BICDL1: variants seen among roughly 807,000 people sequenced by gnomAD.
The protein encoded by BICDL1 is BICD family like cargo adaptor 1.
BICDL1 carries 20 observed loss-of-function variants against 76.8 expected under a neutral mutation model. The observed-to-expected ratio is 0.26, with a 90% CI of 0.18 to 0.38. The LOEUF (loss-of-function observed/expected upper bound fraction) is 0.38. Ranked by LOEUF, BICDL1 falls within the 10% of genes least tolerant of loss-of-function variation. The pLI is 1.00. For missense variants in BICDL1, 700 were observed against 798.6 expected, an observed-to-expected ratio of 0.88 and a Z score of 1.49; for synonymous variants, 383 against 337.1, an observed-to-expected ratio of 1.14 and a Z score of -1.49.
At chr12:120,076,922 G>T (rs543264886) in intron 7 of BICDL1, among the ~76,000 whole-genome samples, 14 of 152,344 alleles carry the variant, frequency 9.2e-5, no homozygotes, top group African/African-American at 3.4e-4. Context: ...GCTGCACTAG[G>T]CCCTGAGAGG....
chr12:120,045,239 G>C (rs1037740774), intron 2 of BICDL1, among the ~76,000 whole-genome samples: 1 of 152,186 alleles, frequency 6.6e-6, no homozygotes, highest in African/African-American at 2.4e-5. Context: ...ACACCAGTTA[G>C]AATGGCAATC....
At chr12:120,003,618 C>G (rs543277894) in intron 2 of BICDL1, among the ~76,000 whole-genome samples, 30 of 152,258 alleles carry the variant, frequency 2.0e-4, no homozygotes, top group Admixed American at 1.8e-3. Flanking sequence ...GCCTAGACAC[C>G]TAATATTATT....
intron 1 of BICDL1, among the ~76,000 whole-genome samples, chr12:119,996,103 C>G (rs1256783774): frequency 2.0e-5 from 3 of 152,140 alleles, no homozygotes; most frequent in South Asian, 2.1e-4. Flanking sequence ...CCACATTGCC[C>G]CAAACAGACT....
intron 2 of BICDL1, among the ~76,000 whole-genome samples, chr12:120,052,606 A>G (rs1952886574): frequency 6.6e-6 from 1 of 152,162 alleles, no homozygotes; most frequent in South Asian, 2.1e-4. Flanking sequence ...GCTCCCCACT[A>G]TAAATGATTT....
At chr12:119,995,782 C>T (rs190030758) in intron 1 of BICDL1, among the ~76,000 whole-genome samples, 7,274 of 152,070 alleles carry the variant, frequency 0.048, 371 homozygotes, top group African/African-American at 0.12. Context: ...GTCAGGAGAT[C>T]GAGACCATCC....
rs143777152 is a variant in BICDL1, at chr12:120,057,818, C to CTT, written c.646-3863_646-3862dup. On this transcript the variant is annotated intron_variant, in intron 2 of 9. Coordinates refer to ENST00000548673, the MANE Select transcript of BICDL1 (RefSeq NM_001367886.1). Reference sequence around the variant, plus strand: ...TGCAAAAGGAGGCCAGCGATTCCTGCTTTTTTTTTTTTTTTTTTTTTTTTT... The same window carrying CTT: ...TGCAAAAGGAGGCCAGCGATTCCTGCTTTTTTTTTTTTTTTTTTTTTTTTTTT... Among the ~76,000 whole-genome samples, 452 of 78,312 alleles carry CTT rather than the reference C, an allele frequency of 5.8e-3. 46 individuals carry two copies. Among genetic ancestry groups the CTT allele is most frequent in the Non-Finnish European group, 7.8e-3 (351 of 44,752 alleles). 51.4% of individuals were successfully genotyped at this position (78,312 alleles called of 152,430 possible).
At chr12:120,088,689 C>T (rs564406970) in intron 8 of BICDL1, among the ~76,000 whole-genome samples, 4 of 147,964 alleles carry the variant, frequency 2.7e-5, no homozygotes, top group South Asian at 2.1e-4. Context: ...TTTTTTGAGA[C>T]GGAGTCTTGT....
chr12:120,060,727 A>C (rs970077337), intron 2 of BICDL1, among the ~76,000 whole-genome samples: 1 of 152,264 alleles, frequency 6.6e-6, no homozygotes, highest in Non-Finnish European at 1.5e-5. Flanking sequence ...AAAATAAAAA[A>C]GATGGACAAT....
intron 2 of BICDL1, among the ~76,000 whole-genome samples, chr12:120,002,730 G>A (rs1174072337): frequency 1.3e-5 from 2 of 152,190 alleles, no homozygotes; most frequent in African/African-American, 4.8e-5. Context: ...CAAGTCCTCT[G>A]TTTTATGAAG....
At chr12:120,019,041 T>C (rs1190897117) in intron 2 of BICDL1, 1 of 124,996 alleles carries the variant, frequency 8.0e-6, no homozygotes, top group Non-Finnish European at 1.6e-5. Context: ...CGAGACTCCG[T>C]CTCAAAAAAA....
intron 2 of BICDL1, among the ~76,000 whole-genome samples, chr12:120,001,407 C>T (rs570908889): frequency 9.9e-5 from 15 of 151,860 alleles, no homozygotes; most frequent in South Asian, 4.2e-4. Flanking sequence ...CCACCACGCC[C>T]GGCTAATTTT....
chr12:120,016,022 A>T (rs185851664), intron 2 of BICDL1, among the ~76,000 whole-genome samples: 1 of 152,160 alleles, frequency 6.6e-6, no homozygotes, highest in South Asian at 2.1e-4. Flanking sequence ...TGCTACCCCA[A>T]AAAGTTCCCC....
chr12:120,061,813 G>A lies in BICDL1; in HGVS notation c.749G>A (p.Ser250Asn). The A allele has an allele frequency of 6.2e-7, 1 of 1,613,688 alleles. No homozygotes were observed. The highest frequency in any genetic ancestry group is 1.1e-5 in the South Asian group (1 of 91,056). ...AACCAGCACATTATCCGGCTGGAGA[G>A]CCTTCAGGCCGAGGTGAGCCTCCCG... ...STNQHIIRLE[S>N]LQAEIKMLSD... Residue 250 changes from serine to asparagine, a missense_variant, in exon 3 of 10, where the codon AGC becomes AAC. Ser to Asn is a conservative substitution (Grantham distance 46, BLOSUM62 1). This residue lies in a region of BICDL1 where 455 missense variants were observed against 548.7 expected (regional missense o/e 0.83). Coordinates refer to ENST00000548673, the MANE Select transcript of BICDL1 (RefSeq NM_001367886.1).
chr12:119,998,423 A>T (rs966265288), intron 1 of BICDL1, 98 bp from the exon 2 acceptor site: 2 of 1,009,822 alleles, frequency 2.0e-6, no homozygotes, highest in African/African-American at 1.6e-5. Context: ...TATTGTGTCT[A>T]CTGACTAGGA....
chr12:120,092,797 G>A, intron 9 of BICDL1: 1 of 985,470 alleles, frequency 1.0e-6, no homozygotes, highest in South Asian at 4.7e-5. Context: ...GCCTGAGGAG[G>A]CTGGAGGTGC....
intron 1 of BICDL1, among the ~76,000 whole-genome samples, 179 bp downstream of exon 1, chr12:119,990,476 T>G (rs1951496462): frequency 6.6e-6 from 1 of 152,186 alleles, no homozygotes. Context: ...CCCACTTGAC[T>G]TCCCCACCCC....
chr12:119,995,953 T>C (rs1232961867), intron 1 of BICDL1, among the ~76,000 whole-genome samples: 1 of 149,716 alleles, frequency 6.7e-6, no homozygotes, highest in Non-Finnish European at 1.5e-5. Context: ...GCCACTGCAC[T>C]CCAGCCTGGG....
At chr12:120,007,337 C>T (rs1034049827) in intron 2 of BICDL1, among the ~76,000 whole-genome samples, 1 of 152,178 alleles carries the variant, frequency 6.6e-6, no homozygotes, top group African/African-American at 2.4e-5. Flanking sequence ...TAAATTTCCG[C>T]AGCCATCTGA....
At chr12:120,045,741 G>A (rs982824890) in intron 2 of BICDL1, among the ~76,000 whole-genome samples, 4 of 144,812 alleles carry the variant, frequency 2.8e-5, no homozygotes, top group Non-Finnish European at 4.5e-5. Flanking sequence ...GACATAGGAA[G>A]GGGAACATCA....
Sources: gnomAD v4.1 joint callset for allele counts (sites outside exome capture counted in the v4.1 genomes callset) on GRCh38, gnomAD v4.1.1 for gene constraint, gnomAD v4.1.1 regional missense constraint, MANE v1.5 for transcripts, NCBI Gene and HGNC (gene_info 2026-07-23, HGNC 2026-07-21) for gene names.